The following DCC variants were observed in gnomAD, a reference collection of about 807,000 sequenced individuals.
DCC encodes the protein DCC netrin 1 receptor, also known as netrin receptor DCC.
In DCC, 58 loss-of-function variants were observed where a neutral mutation model predicts 172.5. The ratio of observed to expected loss-of-function variants is 0.34; its 90% CI spans 0.27 to 0.42. The LOEUF is 0.42. Among genes scored for constraint, DCC ranks in the 10% least tolerant of loss-of-function variants. DCC has a pLI of 1.00. For synonymous variants in DCC, 709 were observed against 644.5 expected (o/e 1.10, Z -1.52); for missense variants, 1,740 against 1,791.0 (o/e 0.97, Z 0.51).
chr18:52,402,679 T>G (rs1369534534), intron 1 of DCC, among the ~76,000 whole-genome samples: 1 of 152,076 alleles, frequency 6.6e-6, no homozygotes, highest in African/African-American at 2.4e-5. Context: ...CTATTTTCCT[T>G]ATCTCCTTTC....
At chr18:52,926,982 T>C (rs1420170546) in intron 5 of DCC, among the ~76,000 whole-genome samples, 1 of 142,590 alleles carries the variant, frequency 7.0e-6, no homozygotes, top group Non-Finnish European at 1.6e-5. Context: ...TACATATATA[T>C]GGATATATAT....
chr18:53,123,980 A>G (rs12970188), intron 7 of DCC, among the ~76,000 whole-genome samples: 47,151 of 151,964 alleles, frequency 0.31, 9,132 homozygotes, highest in East Asian at 0.59. Flanking sequence ...TCTCAGCTGA[A>G]TCACACTTTG....
intron 5 of DCC, among the ~76,000 whole-genome samples, chr18:53,006,429 T>G (rs993331492): frequency 7.2e-5 from 11 of 152,066 alleles, no homozygotes; most frequent in African/African-American, 2.4e-4. Context: ...TGCAACCTAA[T>G]AAAATGAAAA....
At chr18:53,166,815 G>A (rs1383080637) in intron 8 of DCC, among the ~76,000 whole-genome samples, 1 of 152,086 alleles carries the variant, frequency 6.6e-6, no homozygotes, top group Non-Finnish European at 1.5e-5. Flanking sequence ...GCTTTTATCT[G>A]GCAGTGAAAC....
At chr18:52,871,901 A>AT (rs1351501467) in intron 2 of DCC, among the ~76,000 whole-genome samples, 1 of 152,030 alleles carries the variant, frequency 6.6e-6, no homozygotes, top group East Asian at 1.9e-4. Context: ...AGGGACAATT[A>AT]TTTTTTTCCC....
chr18:53,149,214 TG>T (rs2043963202), intron 7 of DCC, among the ~76,000 whole-genome samples: 1 of 152,090 alleles, frequency 6.6e-6, no homozygotes, highest in Non-Finnish European at 1.5e-5. Context: ...ATTAAGAAAC[TG>T]GACGAGCAGA....
At chr18:53,257,021 A>G (rs888874149) in intron 12 of DCC, among the ~76,000 whole-genome samples, 12 of 152,136 alleles carry the variant, frequency 7.9e-5, no homozygotes, top group South Asian at 2.1e-4. Flanking sequence ...TTTGTCTGTT[A>G]TTGGTGTATA....
At chr18:52,899,808 T>C (rs2039784583) in intron 2 of DCC, among the ~76,000 whole-genome samples, 1 of 152,190 alleles carries the variant, frequency 6.6e-6, no homozygotes, top group African/African-American at 2.4e-5. Context: ...CTCTAACTAA[T>C]TCTTTATGCT....
At chr18:53,382,616 A>G (rs941680778) in intron 15 of DCC, among the ~76,000 whole-genome samples, 1 of 152,160 alleles carries the variant, frequency 6.6e-6, no homozygotes, top group African/African-American at 2.4e-5. Context: ...CCAGAATTAT[A>G]TTAGTAACCT....
At chr18:52,358,027 T>C (rs1288875959) in intron 1 of DCC, among the ~76,000 whole-genome samples, 1 of 152,040 alleles carries the variant, frequency 6.6e-6, no homozygotes, top group African/African-American at 2.4e-5. Flanking sequence ...TGATAGCATG[T>C]ACCCCCTGAT....
chr18:52,888,558 A>T (rs2039602027), intron 2 of DCC, among the ~76,000 whole-genome samples: 2 of 151,942 alleles, frequency 1.3e-5, no homozygotes, highest in African/African-American at 4.8e-5. Context: ...CTGATTACTT[A>T]AAAAAAGTAC....
chr18:52,981,431 G>A (rs2041206689), intron 5 of DCC, among the ~76,000 whole-genome samples: 1 of 151,884 alleles, frequency 6.6e-6, no homozygotes, highest in African/African-American at 2.4e-5. Context: ...TGTAGAATCT[G>A]AACAATAATG....
At chr18:52,996,107 G>A (rs1367899239) in intron 5 of DCC, among the ~76,000 whole-genome samples, 7 of 151,920 alleles carry the variant, frequency 4.6e-5, no homozygotes, top group South Asian at 2.1e-4. Context: ...AGAAGACTAC[G>A]TCATTAGGAG....
intron 1 of DCC, among the ~76,000 whole-genome samples, chr18:52,494,686 T>G (rs983316290): frequency 3.3e-5 from 5 of 152,036 alleles, no homozygotes; most frequent in Non-Finnish European, 5.9e-5. Flanking sequence ...TAAATTCCAG[T>G]TCTATGATGA....
intron 1 of DCC, among the ~76,000 whole-genome samples, chr18:52,532,995 C>G (rs1399093948): frequency 6.6e-6 from 1 of 152,088 alleles, no homozygotes; most frequent in Non-Finnish European, 1.5e-5. Flanking sequence ...TCTACTCTGT[C>G]TTTACAGATT....
chr18:53,464,384 T>G (rs933831384), intron 24 of DCC, among the ~76,000 whole-genome samples: 1 of 152,172 alleles, frequency 6.6e-6, no homozygotes, highest in Admixed American at 6.5e-5. Context: ...AAATGGGCAA[T>G]GTGATTTAAC....
At chr18:53,044,524 C>T (rs1329812844) in intron 5 of DCC, among the ~76,000 whole-genome samples, 3 of 151,690 alleles carry the variant, frequency 2.0e-5, no homozygotes, top group Non-Finnish European at 2.9e-5. Flanking sequence ...GACTAGATAT[C>T]TAAGACTCTT....
At chr18:53,159,008 AG>A (rs2054793518) in intron 8 of DCC, among the ~76,000 whole-genome samples, 1 of 119,176 alleles carries the variant, frequency 8.4e-6, no homozygotes, top group Non-Finnish European at 1.7e-5. Flanking sequence ...AAAAAAAAGA[AG>A]AAGATGTAGG....
At chr18:52,565,381 G>A (rs908262650) in intron 1 of DCC, among the ~76,000 whole-genome samples, 4 of 152,096 alleles carry the variant, frequency 2.6e-5, no homozygotes, top group Admixed American at 1.3e-4. Context: ...GGATCAAATG[G>A]TATTTATTGT....
Sources: allele counts gnomAD v4.1 joint callset (sites outside exome capture counted in the v4.1 genomes callset), GRCh38; gene constraint gnomAD v4.1.1; transcripts MANE v1.5; gene names NCBI Gene and HGNC (gene_info 2026-07-23, HGNC 2026-07-21).